UPF1: variants seen among roughly 807,000 people sequenced by gnomAD.
UPF1 encodes regulator of nonsense transcripts 1.
UPF1 carries 9 observed loss-of-function variants against 129.2 expected under a neutral mutation model. That is an observed-to-expected ratio of 0.07 (90% CI 0.04 to 0.12). The LOEUF (loss-of-function observed/expected upper bound fraction) is 0.12. UPF1 is among the 10% of genes least tolerant of loss of function. The pLI, the probability that UPF1 is intolerant of heterozygous loss-of-function variation, is 1.00. For synonymous variants in UPF1, 649 were observed against 644.9 expected, an observed-to-expected ratio of 1.01 and a Z score of -0.10; for missense variants, 788 against 1,525.3, an observed-to-expected ratio of 0.52 and a Z score of 8.05.
At chr19:18,858,646 C>A (rs1601122683) in intron 15 of UPF1, among the ~76,000 whole-genome samples, 1 of 152,188 alleles carries the variant, frequency 6.6e-6, no homozygotes, top group Non-Finnish European at 1.5e-5. Flanking sequence ...TGAGGCCTGG[C>A]TTCCCCACAG....
Position 18,845,576 on chromosome 19 carries a change from C to T in UPF1, c.232-404C>T, listed in dbSNP as rs946052565. Among the ~76,000 whole-genome samples, 11 of 152,060 alleles carry T rather than the reference C, an allele frequency of 7.2e-5. No individual in the cohort carries two copies. The East Asian group carries it at 9.6e-4, about 13-fold the overall frequency. On this transcript the variant is annotated intron_variant, in intron 1 of 23. Coordinates refer to ENST00000262803, the MANE Select transcript of UPF1 (RefSeq NM_002911.4). ...TCCACATCTGCATGGGTGGCAGCTT[C>T]GTAGTGTTTGATGAGCCTTACACTG... is the stretch of plus-strand genomic sequence containing the variant.
intron 1 of UPF1, among the ~76,000 whole-genome samples, chr19:18,839,484 C>T (rs757574541): frequency 1.3e-4 from 20 of 152,156 alleles, no homozygotes; most frequent in African/African-American, 1.9e-4. Context: ...ATTTCTCTTT[C>T]GCTCCTTTCC....
In UPF1 at chr19:18,847,792, C is replaced by G; in HGVS notation, c.420C>G (p.Ser140Arg). Reference sequence around the variant, plus strand: ...CCTGCGTGGTTTACTGTAATACCAGCAAGAAGTGGTTCTGCAACGGACGTG... The same window carrying G: ...CCTGCGTGGTTTACTGTAATACCAGGAAGAAGTGGTTCTGCAACGGACGTG... ...DPACVVYCNT[S>R]KKWFCNGRGN... The change falls in exon 3 of 24, where the codon AGC becomes AGG. Residue 140 changes from serine (S) to arginine (R), a missense_variant. By Grantham distance (110) the Ser-to-Arg change is moderately radical. Coordinates refer to ENST00000262803, the MANE Select transcript of UPF1 (RefSeq NM_002911.4). 6.2e-7 allele frequency: 1 copy of G among 1,614,180 alleles called. No homozygotes were observed. The highest frequency in any genetic ancestry group is 8.5e-7 in the Non-Finnish European group (1 of 1,180,032).
chr19:18,863,658 C>A, intron 19 of UPF1, 46 bp downstream of exon 19: 1 of 1,565,172 alleles, frequency 6.4e-7, no homozygotes, highest in South Asian at 1.1e-5. Context: ...GAAACCCGGG[C>A]CCAAAACACT....
In UPF1 at chr19:18,863,624, C is replaced by G; in HGVS notation, c.2775+12C>G. The stretch of plus-strand genomic sequence containing the variant: ...ACACTATCAACCCGGTGAGCGCCTG[C>G]ACAGGACAGCAGGGCAGCACGGAGA... On this transcript the variant is annotated intron_variant, in intron 19 of 23. Transcript: ENST00000262803. 6.2e-7 allele frequency: 1 copy of G among 1,610,278 alleles called. No individual in the cohort carries two copies. Among genetic ancestry groups the G allele is most frequent in the Non-Finnish European group, 8.5e-7 (1 of 1,178,066 alleles).
intron 15 of UPF1, chr19:18,860,112 C>G: frequency 6.6e-6 from 4 of 605,256 alleles, no homozygotes; most frequent in South Asian, 6.0e-5. Context: ...GGCCATGGTG[C>G]TCTCGGTGGC....
At chr19:18,861,932 C>T in intron 17 of UPF1, 78 bp from the exon 18 acceptor site, 1 of 1,565,250 alleles carries the variant, frequency 6.4e-7, no homozygotes. Flanking sequence ...GAGGGTGGGT[C>T]TTGGTGTGTT....
chr19:18,850,426 T>A lies in UPF1; in HGVS notation c.629+184T>A, dbSNP rs1190655517. Among the ~76,000 whole-genome samples the A allele has an allele frequency of 6.6e-6, 1 of 152,268 alleles. No homozygotes were observed. The highest frequency in any genetic ancestry group is 2.4e-5 in the African/African-American group (1 of 41,470). On this transcript the variant is annotated intron_variant, in intron 4 of 23. Transcript: ENST00000262803. This position sits in a 1 kb window ranked among gnomAD's most constrained non-coding sequence, Gnocchi z 7.1. Reference sequence around the variant, plus strand: ...CTGAGGCTTGTTAAGGAGTCGGCAGTGCCGTGTAACTCTTTTGGGGCGTTC... The same window carrying A: ...CTGAGGCTTGTTAAGGAGTCGGCAGAGCCGTGTAACTCTTTTGGGGCGTTC...
chr19:18,851,751 T>G lies in UPF1; in HGVS notation c.811-384T>G, dbSNP rs1242885078. On this transcript the variant is annotated intron_variant, in intron 5 of 23. Transcript: ENST00000262803. This position sits in a 1 kb window ranked among gnomAD's most constrained non-coding sequence, Gnocchi z 4.2. ...CTTTGTGGCAGCCTGCGAGGCGGGT[T>G]AGCTGCTCTCGTTCACAAGCTGGGC... 1.3e-5 allele frequency among the ~76,000 whole-genome samples: 2 copies of G among 152,246 alleles called. No individual in the cohort carries two copies. Among genetic ancestry groups the G allele is most frequent in the African/African-American group, 4.8e-5 (2 of 41,460 alleles).
chr19:18,866,152 T>A lies in UPF1; in HGVS notation c.3346T>A (p.Ser1116Thr). The A allele has an allele frequency of 6.2e-7, 1 of 1,604,070 alleles. No individual in the cohort carries two copies. Among genetic ancestry groups the A allele is most frequent in the East Asian group, 2.2e-5 (1 of 44,680 alleles). The change falls in exon 23 of 24, where the codon TCC becomes ACC. Residue 1116 changes from serine (S) to threonine (T), a missense_variant. Transcript: ENST00000262803. Reference protein sequence around the residue: ...AYQHGGVTGLSQY With the variant: ...AYQHGGVTGLTQY ...CCAGCATGGCGGGGTGACGGGGCTG[T>A]CCCAGTATTAAAAGGCAAGCCCCCC...
At chr19:18,857,127 G>A (rs1441580752) in intron 14 of UPF1, 107 bp downstream of exon 14, 21 of 1,526,168 alleles carry the variant, frequency 1.4e-5, no homozygotes, top group East Asian at 2.3e-5. Flanking sequence ...CAGAGTGTGC[G>A]CACACTGGGG....
Position 18,850,844 on chromosome 19 carries a change from C to A in UPF1, c.786C>A (p.Ile262=). 1 of 1,597,558 alleles carries A rather than the reference C, an allele frequency of 6.3e-7. No individual in the cohort carries two copies. The change falls in exon 5 of 24, where the codon ATC becomes ATA. Residue 262 remains isoleucine (I), a synonymous_variant. Coordinates refer to ENST00000262803, the MANE Select transcript of UPF1 (RefSeq NM_002911.4). The surrounding 1 kb of genome is among the most constrained non-coding windows in gnomAD (Gnocchi z 7.1). ...LRARQITAQQ[I]NKLEELWKEN... ...CACGCCAGATCACGGCACAGCAGAT[C>A]AACAAGCTGGAGGAGCTGTGGAAGG...
intron 19 of UPF1, 25 bp downstream of exon 19, chr19:18,863,637 G>A: frequency 1.3e-6 from 2 of 1,597,440 alleles, no homozygotes; most frequent in Non-Finnish European, 1.7e-6. Context: ...AGGACAGCAG[G>A]GCAGCACGGA....
At chr19:18,861,129 GGCACAGACA>G in intron 17 of UPF1, 147 bp downstream of exon 17, 3 of 1,093,056 alleles carry the variant, frequency 2.7e-6, no homozygotes, top group Non-Finnish European at 2.5e-6. Flanking sequence ...CTCTGGGGAG[GGCACAGACA>G]GCACATCCCC....
At chr19:18,854,468 G>A in intron 8 of UPF1, 133 bp from the exon 9 acceptor site, 1 of 691,242 alleles carries the variant, frequency 1.4e-6, no homozygotes, top group Non-Finnish European at 2.5e-6. Flanking sequence ...CACGTTTTTA[G>A]CGTTTGGTGC....
chr19:18,855,990 C>T lies in UPF1; in HGVS notation c.1610C>T (p.Thr537Met), dbSNP rs1427738876. The change falls in exon 12 of 24, where the codon ACG (threonine) becomes ATG (methionine). Residue 537 changes from threonine to methionine, a missense_variant. Physicochemically the swap from Thr to Met is moderately conservative, Grantham distance 81 (BLOSUM62 -1). Around this residue, in one of 6 missense-constraint regions of UPF1, gnomAD observed 91 missense variants for 157.2 expected, o/e 0.58. Transcript: ENST00000262803. ...VDQLTEKIHQ[T>M]GLKVVRLCAK... ...CAGCTAACGGAGAAGATCCACCAGA[C>T]GGGGCTAAAGGTCGTGCGCCTCTGC... 3.1e-6 allele frequency: 5 copies of T among 1,613,960 alleles called. No homozygotes were observed. The highest frequency in any genetic ancestry group is 3.4e-6 in the Non-Finnish European group (4 of 1,180,038).
In UPF1 at chr19:18,865,544, G is replaced by A; in HGVS notation, c.3020-17G>A. On this transcript the variant is annotated splice_polypyrimidine_tract_variant and intron_variant, in intron 21 of 23. Coordinates refer to ENST00000262803, the MANE Select transcript of UPF1 (RefSeq NM_002911.4). This position sits in a 1 kb window ranked among gnomAD's most constrained non-coding sequence, Gnocchi z 6.1. The stretch of plus-strand genomic sequence containing the variant: ...GCCCTGGCCTCCTTCGGATCACCCT[G>A]GACTGCTGTCTTTCAGGGCGAGGCA... 6.2e-7 allele frequency: 1 copy of A among 1,613,886 alleles called. No homozygotes were observed. Among genetic ancestry groups the A allele is most frequent in the South Asian group, 1.1e-5 (1 of 91,080 alleles).
Position 18,865,165 on chromosome 19 carries a change from C to T in UPF1, c.2858-124C>T. On this transcript the variant is annotated intron_variant, in intron 20 of 23. Transcript: ENST00000262803. The surrounding 1 kb of genome is among the most constrained non-coding windows in gnomAD (Gnocchi z 6.1). ...AACATGGAGTCCTGCGAATCCGCAT[C>T]TTCAGCCTGGGCAGAGCCAGGACAG... The T allele has an allele frequency of 1.6e-6, 2 of 1,273,032 alleles. No individual in the cohort carries two copies. The highest frequency in any genetic ancestry group is 2.1e-6 in the Non-Finnish European group (2 of 935,260). The allele number at this position is 1,273,032 out of a possible 1,614,324, so 78.9% of individuals were successfully genotyped here.
chr19:18,863,392 C>CG (rs2055802945), intron 18 of UPF1, 46 bp from the exon 19 acceptor site: 1 of 1,592,918 alleles, frequency 6.3e-7, no homozygotes, highest in Non-Finnish European at 8.6e-7. Context: ...TCCTGTGAGA[C>CG]GGGCAGCTCT....
Sources: allele counts gnomAD v4.1 joint callset (sites outside exome capture counted in the v4.1 genomes callset), GRCh38; gene constraint gnomAD v4.1.1; regional missense constraint gnomAD v4.1.1; non-coding constraint Gnocchi (gnomAD v3.1); transcripts MANE v1.5; gene names NCBI Gene and HGNC (gene_info 2026-07-23, HGNC 2026-07-21).